Variants in CNTN5 observed in about 807,000 individuals in gnomAD.
CNTN5 encodes the protein contactin 5.
CNTN5 carries 77 observed loss-of-function variants against 129.1 expected under a neutral mutation model. The ratio of observed to expected loss-of-function variants is 0.60; its 90% confidence interval spans 0.50 to 0.72. The LOEUF (loss-of-function observed/expected upper bound fraction) is 0.72. CNTN5 is among the 30% of genes least tolerant of loss of function. CNTN5 has a pLI of 0.00. For missense variants in CNTN5, 1,478 were observed against 1,328.8 expected (o/e 1.11, Z -1.75); for synonymous variants, 509 against 465.6 (o/e 1.09, Z -1.20).
rs386374626 is a variant in CNTN5 at position 99,239,936 on chromosome 11, C to CAAA, written c.-209-85392_-209-85390dup. Among the ~76,000 whole-genome samples, 85 of 105,190 alleles carry CAAA rather than the reference C, an allele frequency of 8.1e-4. 1 individual carries two copies. Among genetic ancestry groups the CAAA allele is most frequent in the African/African-American group, 2.4e-3 (68 of 28,054 alleles). 69.0% of individuals were successfully genotyped at this position (105,190 alleles called of 152,430 possible). A position where few individuals can be genotyped will look rare whatever the true frequency, so the allele number is the denominator to read the frequency against. ...TGGGCGACAGAGCGAGACTCCGTCTCAAAAAAAAAAAAAAAAAAAATTTAA... is the reference window on the plus strand; with the variant it reads ...TGGGCGACAGAGCGAGACTCCGTCTCAAAAAAAAAAAAAAAAAAAAAAATTTAA... On this transcript the variant is annotated intron_variant, in intron 1 of 24. Coordinates refer to ENST00000524871, the MANE Select transcript of CNTN5 (RefSeq NM_014361.4).
intron 3 of CNTN5, among the ~76,000 whole-genome samples, chr11:99,642,747 C>G (rs971869906): frequency 6.6e-6 from 1 of 152,112 alleles, no homozygotes; most frequent in Non-Finnish European, 1.5e-5. Flanking sequence ...TTTCTCCATC[C>G]TCTTCTCCCC....
chr11:99,256,316 C>A (rs1355557563), intron 1 of CNTN5, among the ~76,000 whole-genome samples: 1 of 151,986 alleles, frequency 6.6e-6, no homozygotes, highest in Non-Finnish European at 1.5e-5. Context: ...TCTGGTCTTA[C>A]TGTACAATTT....
At chr11:99,030,354 C>G (rs1863310381) in intron 1 of CNTN5, among the ~76,000 whole-genome samples, 1 of 152,182 alleles carries the variant, frequency 6.6e-6, no homozygotes, top group African/African-American at 2.4e-5. Context: ...TACAATGACT[C>G]TAGTATTCTA....
At chr11:99,399,443 A>C (rs1207160163) in intron 2 of CNTN5, among the ~76,000 whole-genome samples, 1 of 151,748 alleles carries the variant, frequency 6.6e-6, no homozygotes. Flanking sequence ...ACATTGAGCT[A>C]TATAATAAAC....
intron 1 of CNTN5, among the ~76,000 whole-genome samples, chr11:99,044,758 G>A (rs778275369): frequency 3.9e-5 from 6 of 152,090 alleles, no homozygotes; most frequent in East Asian, 3.9e-4. Context: ...GTAAAGTGTC[G>A]GGTCCTCTAT....
intron 16 of CNTN5, among the ~76,000 whole-genome samples, chr11:100,251,656 T>C (rs1201840019): frequency 6.6e-6 from 1 of 152,134 alleles, no homozygotes; most frequent in Non-Finnish European, 1.5e-5. Context: ...CACATATAAG[T>C]GAGAACATGT....
At chr11:99,627,277 C>T (rs1193968791) in intron 3 of CNTN5, among the ~76,000 whole-genome samples, 1 of 152,074 alleles carries the variant, frequency 6.6e-6, no homozygotes, top group African/African-American at 2.4e-5. Context: ...CTCTGTTTCT[C>T]CATATTGAAC....
chr11:99,272,017 G>A (rs1427242333), intron 1 of CNTN5, among the ~76,000 whole-genome samples: 1 of 151,896 alleles, frequency 6.6e-6, no homozygotes, highest in African/African-American at 2.4e-5. Context: ...ATCACAAAAT[G>A]TATTACTATC....
At chr11:99,942,034 A>T (rs1950450510) in intron 7 of CNTN5, among the ~76,000 whole-genome samples, 1 of 152,126 alleles carries the variant, frequency 6.6e-6, no homozygotes, top group Admixed American at 6.6e-5. Flanking sequence ...TACTCTAGTG[A>T]GTTGAAAACT....
chr11:99,551,121 C>T (rs1948466415), intron 2 of CNTN5, among the ~76,000 whole-genome samples: 1 of 152,068 alleles, frequency 6.6e-6, no homozygotes, highest in Admixed American at 6.6e-5. Flanking sequence ...GTATATGATG[C>T]AACACAGGCA....
chr11:100,040,083 T>G (rs187318578), intron 9 of CNTN5, among the ~76,000 whole-genome samples: 2 of 152,174 alleles, frequency 1.3e-5, no homozygotes, highest in Non-Finnish European at 2.9e-5. Context: ...CTCTTTTTTT[T>G]TCCCATCTTT....
intron 6 of CNTN5, among the ~76,000 whole-genome samples, chr11:99,851,069 G>A (rs1469975362): frequency 6.6e-6 from 1 of 151,544 alleles, no homozygotes; most frequent in Non-Finnish European, 1.5e-5. Context: ...CAGCTGCTCT[G>A]TAGTGGTTCA....
At chr11:99,931,712 A>G (rs1950196647) in intron 7 of CNTN5, among the ~76,000 whole-genome samples, 1 of 152,240 alleles carries the variant, frequency 6.6e-6, no homozygotes, top group African/African-American at 2.4e-5. Flanking sequence ...GTGGTCAACC[A>G]GTCAAATTAG....
At position 100,077,823 on chromosome 11, in the gene CNTN5, CA is replaced by C. The variant is rs201830660; in HGVS notation, c.1580+3533del. ...CTGAGCTCCAGCCTGGATGACAGAG[CA>C]AAACCCTGTCTCAAAAATATAATAA... On this transcript the variant is annotated intron_variant, in intron 13 of 24. Coordinates refer to ENST00000524871, the MANE Select transcript of CNTN5 (RefSeq NM_014361.4). Among the ~76,000 whole-genome samples the C allele has an allele frequency of 6.3e-3, 961 of 151,842 alleles. 3 individuals are homozygous for C. Among genetic ancestry groups the C allele is most frequent in the Non-Finnish European group, 0.011 (764 of 67,956 alleles).
intron 3 of CNTN5, among the ~76,000 whole-genome samples, chr11:99,648,828 T>C (rs1952056575): frequency 6.6e-6 from 1 of 151,882 alleles, no homozygotes; most frequent in East Asian, 1.9e-4. Flanking sequence ...ACACTGCATG[T>C]CCCACTCATA....
chr11:99,510,791 A>G (rs1268456367), intron 2 of CNTN5, among the ~76,000 whole-genome samples: 2 of 152,214 alleles, frequency 1.3e-5, no homozygotes, highest in African/African-American at 4.8e-5. Context: ...CATATGTACT[A>G]TACTATACTT....
chr11:99,654,178 C>T (rs139961642), intron 3 of CNTN5, among the ~76,000 whole-genome samples: 1 of 152,206 alleles, frequency 6.6e-6, no homozygotes, highest in East Asian at 1.9e-4. Flanking sequence ...AACAGCACTG[C>T]CTGAACATAG....
chr11:99,958,696 G>T (rs1183924429), intron 8 of CNTN5, among the ~76,000 whole-genome samples: 1 of 152,264 alleles, frequency 6.6e-6, no homozygotes, highest in South Asian at 2.1e-4. Context: ...CTAATTAAAA[G>T]CTTTGAATTA....
intron 3 of CNTN5, among the ~76,000 whole-genome samples, chr11:99,689,280 C>A (rs1189305363): frequency 1.3e-5 from 2 of 152,046 alleles, no homozygotes; most frequent in Non-Finnish European, 2.9e-5. Context: ...GTAATCCCAG[C>A]ATTTAGGGAG....
Sources: allele counts gnomAD v4.1 joint callset (sites outside exome capture counted in the v4.1 genomes callset), GRCh38; gene constraint gnomAD v4.1.1; transcripts MANE v1.5; gene names NCBI Gene and HGNC (gene_info 2026-07-23, HGNC 2026-07-21).